The following C4orf51 variants were observed in gnomAD, a reference collection of about 807,000 sequenced individuals.
The protein encoded by C4orf51 is chromosome 4 open reading frame 51, also known as uncharacterized protein C4orf51.
In C4orf51, 25 loss-of-function variants were observed where a neutral mutation model predicts 25.2. That is an observed-to-expected ratio of 0.99 (90% CI 0.72 to 1.39). C4orf51 has a LOEUF of 1.39. Among genes scored for constraint, C4orf51 ranks in the 40% most tolerant of loss-of-function variants. C4orf51 has a pLI of 0.00. For missense variants in C4orf51, 252 were observed against 239.6 expected, an observed-to-expected ratio of 1.05 and a Z score of -0.34; for synonymous variants, 100 against 84.5, an observed-to-expected ratio of 1.18 and a Z score of -1.01.
chr4:145,690,581 T>G (rs761788275), intron 1 of C4orf51, among the ~76,000 whole-genome samples: 1 of 152,096 alleles, frequency 6.6e-6, no homozygotes, highest in African/African-American at 2.4e-5. Flanking sequence ...AGGCGAAGAA[T>G]TCATGGCTAA....
chr4:145,683,828 G>A (rs1338032587), intron 1 of C4orf51, among the ~76,000 whole-genome samples: 1 of 152,036 alleles, frequency 6.6e-6, no homozygotes, highest in Non-Finnish European at 1.5e-5. Flanking sequence ...AATGACTTTG[G>A]GTATGGCAAT....
intron 2 of C4orf51, among the ~76,000 whole-genome samples, chr4:145,702,895 C>G (rs916891055): frequency 1.3e-5 from 2 of 151,688 alleles, no homozygotes; most frequent in Non-Finnish European, 2.9e-5. Flanking sequence ...TCAGCTTAAT[C>G]TCTCCCACTC....
chr4:145,777,579 A>G, the C4orf51 span, among the ~76,000 whole-genome samples: 31 of 152,162 alleles, frequency 2.0e-4, no homozygotes, highest in Admixed American at 1.1e-3. Context: ...TTAGAGCTTC[A>G]TTATTCTCCA....
Position 145,765,624 on chromosome 4 carries a change from C to T in C4orf51, n.167-5364C>T. ...AGAGATGACCAGCAGATTGTTCCCG[C>T]CCTTGTTTTTCTGGGAGCCATCTGA... On this transcript the variant is annotated intron_variant and non_coding_transcript_variant, in intron 1 of 1. Transcript: ENST00000510096. This position sits in a 1 kb window ranked among gnomAD's most constrained non-coding sequence, Gnocchi z 4.7. 3 of 1,614,106 alleles carry T rather than the reference C, an allele frequency of 1.9e-6. No individual in the cohort carries two copies. The highest frequency in any genetic ancestry group is 2.5e-6 in the Non-Finnish European group (3 of 1,180,026).
intron 5 of C4orf51, 86 bp downstream of exon 5, chr4:145,730,051 G>C (rs1732375308): frequency 9.0e-7 from 1 of 1,109,634 alleles, no homozygotes; most frequent in Non-Finnish European, 1.4e-6. Context: ...ATGGCAGCAG[G>C]GGTGGTGGCC....
At chr4:145,739,245 A>G (rs181996626) in intron 1 of C4orf51, among the ~76,000 whole-genome samples, 3 of 152,378 alleles carry the variant, frequency 2.0e-5, no homozygotes, top group East Asian at 3.9e-4. Context: ...GTTGTCATGT[A>G]TAGATTATAG....
At chr4:145,773,328 G>A (rs1312558326), downstream of C4orf51, among the ~76,000 whole-genome samples, 2 of 152,170 alleles carry the variant, frequency 1.3e-5, no homozygotes. Flanking sequence ...CCAAGTCATA[G>A]CTGCTCAATT....
At chr4:145,783,687 C>T in the C4orf51 span, among the ~76,000 whole-genome samples, 1 of 152,240 alleles carries the variant, frequency 6.6e-6, no homozygotes, top group Non-Finnish European at 1.5e-5. Flanking sequence ...GAAGGATATA[C>T]TGGTATTGAC....
the C4orf51 span, among the ~76,000 whole-genome samples, chr4:145,788,276 A>G: frequency 6.6e-6 from 1 of 152,204 alleles, no homozygotes; most frequent in Non-Finnish European, 1.5e-5. Flanking sequence ...TTAAATCAAT[A>G]GTAGAAAACT....
chr4:145,727,418 T>A (rs911454408), intron 3 of C4orf51, among the ~76,000 whole-genome samples: 1 of 152,166 alleles, frequency 6.6e-6, no homozygotes, highest in Non-Finnish European at 1.5e-5. Context: ...GATACATGCA[T>A]ACACACAGTA....
intron 1 of C4orf51, among the ~76,000 whole-genome samples, chr4:145,766,553 G>A (rs189536493): frequency 1.4e-4 from 21 of 152,280 alleles, no homozygotes; most frequent in African/African-American, 4.1e-4. Flanking sequence ...TCCGAGTGGC[G>A]GATACAGAGC....
chr4:145,726,268 G>A (rs1732049359), intron 2 of C4orf51, among the ~76,000 whole-genome samples: 1 of 152,156 alleles, frequency 6.6e-6, no homozygotes, highest in African/African-American at 2.4e-5. Flanking sequence ...GTGAGTCAGG[G>A]TAACTGGCAT....
chr4:145,781,731 C>T, the C4orf51 span, among the ~76,000 whole-genome samples: 1 of 152,168 alleles, frequency 6.6e-6, no homozygotes, highest in Non-Finnish European at 1.5e-5. Flanking sequence ...TTCAGCTGTG[C>T]ATGAATTTCA....
the C4orf51 span, chr4:145,776,085 T>C: frequency 2.8e-6 from 3 of 1,062,292 alleles, no homozygotes; most frequent in East Asian, 2.4e-5. Flanking sequence ...ATGGAGACAA[T>C]GGTAATGCCT....
intron 2 of C4orf51, among the ~76,000 whole-genome samples, chr4:145,709,810 C>T (rs746538696): frequency 6.6e-6 from 1 of 152,216 alleles, no homozygotes; most frequent in African/African-American, 2.4e-5. Context: ...TGTCTCAGTT[C>T]TACTTGATGT....
At chr4:145,744,810 G>A (rs1320538796) in intron 1 of C4orf51, among the ~76,000 whole-genome samples, 5 of 149,906 alleles carry the variant, frequency 3.3e-5, no homozygotes, top group Non-Finnish European at 5.9e-5. Flanking sequence ...CCAAGATAGC[G>A]CCACTGTACT....
At chr4:145,778,405 A>AT in the C4orf51 span, among the ~76,000 whole-genome samples, 1 of 152,210 alleles carries the variant, frequency 6.6e-6, no homozygotes, top group African/African-American at 2.4e-5. Context: ...AAGTGTTGGG[A>AT]TTATAGGCGT....
chr4:145,737,857 G>A (rs747487584), intron 1 of C4orf51, among the ~76,000 whole-genome samples: 12 of 152,124 alleles, frequency 7.9e-5, no homozygotes, highest in Non-Finnish European at 1.5e-4. Context: ...CACTATGTAT[G>A]AATTTATTTT....
chr4:145,727,241 T>C (rs1300555578), intron 3 of C4orf51, among the ~76,000 whole-genome samples: 1 of 152,164 alleles, frequency 6.6e-6, no homozygotes, highest in East Asian at 1.9e-4. Flanking sequence ...GGAAAAATTA[T>C]ATATAATATA....
Sources: gnomAD v4.1 joint callset for allele counts (sites outside exome capture counted in the v4.1 genomes callset) on GRCh38, gnomAD v4.1.1 for gene constraint, Gnocchi (gnomAD v3.1) non-coding constraint, MANE v1.5 for transcripts, NCBI Gene and HGNC (gene_info 2026-07-23, HGNC 2026-07-21) for gene names.